Variants in PRLR observed in about 807,000 individuals in gnomAD.
The protein encoded by PRLR is hPRL receptor.
A neutral mutation model predicts 40.2 loss-of-function variants in PRLR; 13 were observed. That is an observed-to-expected ratio of 0.32 (90% CI 0.21 to 0.51). The LOEUF is 0.51. PRLR is among the 20% of genes least tolerant of loss of function. PRLR has a pLI of 0.97. For synonymous variants in PRLR, 269 were observed against 278.7 expected (o/e 0.97, Z 0.35); for missense variants, 656 against 747.3 (o/e 0.88, Z 1.42).
At chr5:35,080,577 C>A (rs1770442426) in intron 5 of PRLR, among the ~76,000 whole-genome samples, 1 of 152,132 alleles carries the variant, frequency 6.6e-6, no homozygotes, top group African/African-American at 2.4e-5. Flanking sequence ...AATAGGAACA[C>A]TTTTACACTG....
intron 1 of PRLR, among the ~76,000 whole-genome samples, chr5:35,197,330 G>GT (rs765861278): frequency 2.6e-5 from 4 of 152,128 alleles, no homozygotes; most frequent in Non-Finnish European, 4.4e-5. Context: ...ATCGTTTTCT[G>GT]TTTTTGTTTT....
chr5:35,065,205 G>A lies in PRLR; in HGVS notation c.1753C>T (p.Gln585Ter), dbSNP rs973507508. 2 of 1,614,174 alleles carry A rather than the reference G, an allele frequency of 1.2e-6. No homozygotes were observed. The highest frequency in any genetic ancestry group is 1.7e-6 in the Non-Finnish European group (2 of 1,180,026). The stretch of plus-strand genomic sequence containing the variant: ...GCCAGGGCTTTCTCAGCTTGATTCT[G>A]TTCAAGTGATGGTGGGGCCTCTTTG... ...SAKEAPPSLE[Q>*]NQAEKALANF... Residue 585 changes from glutamine to a stop codon, truncating the protein, a stop_gained, in exon 10 of 10, where the codon CAG becomes TAG. Coordinates refer to ENST00000618457, the MANE Select transcript of PRLR (RefSeq NM_000949.7). LOFTEE classifies it low-confidence loss of function (END_TRUNC).
chr5:35,200,218 G>T (rs562311813), intron 1 of PRLR, among the ~76,000 whole-genome samples: 1 of 152,324 alleles, frequency 6.6e-6, no homozygotes, highest in Admixed American at 6.5e-5. Flanking sequence ...TAACACGCCT[G>T]TCCTATACAC....
chr5:35,149,916 T>C (rs1003453961), intron 1 of PRLR, among the ~76,000 whole-genome samples: 3 of 152,008 alleles, frequency 2.0e-5, no homozygotes, highest in Non-Finnish European at 2.9e-5. Flanking sequence ...TGGAGTGCAA[T>C]GGCGCAATCT....
intron 1 of PRLR, among the ~76,000 whole-genome samples, chr5:35,121,871 C>A (rs146902632): frequency 2.0e-5 from 3 of 152,168 alleles, no homozygotes; most frequent in African/African-American, 4.8e-5. Context: ...TTCTTTCATT[C>A]ACTCAGTATT....
At chr5:35,070,005 C>G in intron 7 of PRLR, 119 bp downstream of exon 7, 3 of 1,176,710 alleles carry the variant, frequency 2.5e-6, no homozygotes, top group Non-Finnish European at 3.5e-6. Context: ...AGATTATAAA[C>G]CCACCTCTAT....
rs145395358 is a variant in PRLR, at chr5:35,131,726, G to C, written c.-105-13604C>G. Among the ~76,000 whole-genome samples, 22 of 152,226 alleles carry C rather than the reference G, an allele frequency of 1.4e-4. No individual in the cohort carries two copies. The East Asian group carries it at 2.7e-3, about 19-fold the overall frequency. On this transcript the variant is annotated intron_variant, in intron 1 of 9. Coordinates refer to ENST00000618457, the MANE Select transcript of PRLR (RefSeq NM_000949.7). ...TATATTTGGGTGCATCTGCCACACA[G>C]GGTCATTCTCAGGGTAGGCTCAAGT...
chr5:35,096,542 C>G (rs1405182173), intron 2 of PRLR, among the ~76,000 whole-genome samples: 2 of 152,138 alleles, frequency 1.3e-5, no homozygotes, highest in Non-Finnish European at 2.9e-5. Flanking sequence ...GTTTACAGAG[C>G]TGTTCTATAG....
intron 1 of PRLR, among the ~76,000 whole-genome samples, chr5:35,137,408 G>A (rs1252393946): frequency 2.0e-5 from 3 of 152,196 alleles, no homozygotes; most frequent in African/African-American, 7.2e-5. Context: ...AGCTGAAAGG[G>A]TACCAGAAGG....
At chr5:35,162,010 A>G (rs1774688340) in intron 1 of PRLR, among the ~76,000 whole-genome samples, 1 of 152,198 alleles carries the variant, frequency 6.6e-6, no homozygotes, top group Admixed American at 6.5e-5. Context: ...GCTGCTATGG[A>G]TTTAGCACTT....
rs143177838 is a variant in PRLR at position 35,130,883 on chromosome 5, G to A, written c.-105-12761C>T. Among the ~76,000 whole-genome samples the A allele has an allele frequency of 7.9e-5, 12 of 152,232 alleles. No individual in the cohort carries two copies. In the South Asian group the frequency reaches 8.3e-4, roughly 11 times the overall value. ...CGGGGAGGACACCTTGGAAAACAGC[G>A]GCAGAGATCGGAGTGATGCAGCTAC... On this transcript the variant is annotated intron_variant, in intron 1 of 9. Coordinates refer to ENST00000618457, the MANE Select transcript of PRLR (RefSeq NM_000949.7).
chr5:35,065,186 G>A lies in PRLR; in HGVS notation c.1772C>T (p.Ala591Val), dbSNP rs1236231364. The change falls in exon 10 of 10, where the codon GCC becomes GTC. Residue 591 changes from alanine to valine, a missense_variant. By Grantham distance (64) the Ala-to-Val change is moderately conservative. Transcript: ENST00000618457. ...TGATGTTGCAGTGAAGTTGGCCAGG[G>A]CTTTCTCAGCTTGATTCTGTTCAAG... Reference protein sequence around the residue: ...PSLEQNQAEKALANFTATSSK... With the variant: ...PSLEQNQAEKVLANFTATSSK... The A allele has an allele frequency of 1.9e-6, 3 of 1,614,078 alleles. No individual in the cohort carries two copies. Among genetic ancestry groups the A allele is most frequent in the Non-Finnish European group, 2.5e-6 (3 of 1,180,044 alleles).
At chr5:35,102,758 G>T (rs951318431) in intron 2 of PRLR, among the ~76,000 whole-genome samples, 1 of 152,088 alleles carries the variant, frequency 6.6e-6, no homozygotes, top group African/African-American at 2.4e-5. Context: ...GGTCAGGCTG[G>T]TCTCGAACTC....
chr5:35,179,378 GC>G (rs1196053899), intron 1 of PRLR, among the ~76,000 whole-genome samples: 6 of 152,080 alleles, frequency 3.9e-5, no homozygotes, highest in African/African-American at 1.4e-4. Context: ...TCTTTCTGTA[GC>G]TTCATCCATG....
chr5:35,117,741 C>T (rs1045487504), intron 2 of PRLR, among the ~76,000 whole-genome samples: 1 of 152,058 alleles, frequency 6.6e-6, no homozygotes, highest in Non-Finnish European at 1.5e-5. Flanking sequence ...TAGTCATTGT[C>T]GATAATCTCT....
chr5:35,180,198 G>A (rs187758741), intron 1 of PRLR, among the ~76,000 whole-genome samples: 42 of 152,312 alleles, frequency 2.8e-4, no homozygotes, highest in African/African-American at 9.6e-4. Context: ...AGTAATGAGC[G>A]ATGGGGAGCA....
chr5:35,116,097 G>A (rs543721954), intron 2 of PRLR, among the ~76,000 whole-genome samples: 54 of 152,228 alleles, frequency 3.5e-4, no homozygotes, highest in Middle Eastern at 3.4e-3. Flanking sequence ...CCAAACACCA[G>A]GTTGGGAAAG....
At chr5:35,134,397 G>T (rs1054676605) in intron 1 of PRLR, among the ~76,000 whole-genome samples, 24 of 151,976 alleles carry the variant, frequency 1.6e-4, no homozygotes, top group African/African-American at 5.8e-4. Flanking sequence ...GTGAATAAGG[G>T]CGGGGAGTGG....
At chr5:35,068,466 A>G (rs1220818288) in intron 8 of PRLR, among the ~76,000 whole-genome samples, 181 bp from the exon 9 acceptor site, 2 of 152,142 alleles carry the variant, frequency 1.3e-5, no homozygotes, top group African/African-American at 4.8e-5. Context: ...AACTTTAGCT[A>G]ATTAAGGAGG....
Sources: allele counts gnomAD v4.1 joint callset (sites outside exome capture counted in the v4.1 genomes callset), GRCh38; gene constraint gnomAD v4.1.1; transcripts MANE v1.5; gene names NCBI Gene and HGNC (gene_info 2026-07-23, HGNC 2026-07-21).